PRKN: variants seen among roughly 807,000 people sequenced by gnomAD.
PRKN encodes the protein parkin RBR E3 ubiquitin protein ligase, also known as E3 ubiquitin-protein ligase parkin.
Under a neutral mutation model 59.5 loss-of-function variants are expected in PRKN, and 56 were observed. That is an observed-to-expected ratio of 0.94 (90% CI 0.76 to 1.18). The LOEUF is 1.18. Among genes scored for constraint, PRKN ranks in the 50% most tolerant of loss-of-function variants. The pLI, the probability that PRKN is intolerant of heterozygous loss-of-function variation, is 0.00. For synonymous variants in PRKN, 250 were observed against 222.1 expected, an observed-to-expected ratio of 1.13 and a Z score of -1.12; for missense variants, 657 against 596.4, an observed-to-expected ratio of 1.10 and a Z score of -1.06.
chr6:161,627,396 A>G (rs1783129018), intron 7 of PRKN, among the ~76,000 whole-genome samples: 1 of 152,240 alleles, frequency 6.6e-6, no homozygotes, highest in Admixed American at 6.5e-5. Flanking sequence ...TGGTACACAC[A>G]TCACTGTGTC....
At chr6:161,573,758 ATATATATATATATATATAT>A (rs1781018069) in intron 7 of PRKN, among the ~76,000 whole-genome samples, 2 of 41,244 alleles carry the variant, frequency 4.8e-5, no homozygotes, top group Non-Finnish European at 8.1e-5. Flanking sequence ...AAAAAAAAAT[ATATATATATATATATATAT>A]ATATATATAT....
chr6:161,892,104 A>G (rs1349501678), intron 6 of PRKN, among the ~76,000 whole-genome samples: 1 of 152,114 alleles, frequency 6.6e-6, no homozygotes, highest in East Asian at 1.9e-4. Flanking sequence ...CTTCTTATAA[A>G]TTCTCATCTT....
rs1781618839 is a variant in PRKN, at chr6:161,588,982, A to G, written c.872-19566T>C. 6.6e-6 allele frequency among the ~76,000 whole-genome samples: 1 copy of G among 152,238 alleles called. No homozygotes were observed. The highest frequency in any genetic ancestry group is 1.5e-5 in the Non-Finnish European group (1 of 68,046). ...GTTTATCTGGCAGCCTTACCAAGCC[A>G]TAATTCAGAGAGAATATTTGTAACA... is the stretch of plus-strand genomic sequence containing the variant. On this transcript the variant is annotated intron_variant, in intron 7 of 11. Transcript: ENST00000366898. The surrounding 1 kb of genome is among the most constrained non-coding windows in gnomAD (Gnocchi z 5.0).
At chr6:161,811,234 T>G (rs76652897) in intron 6 of PRKN, among the ~76,000 whole-genome samples, 1 of 152,112 alleles carries the variant, frequency 6.6e-6, no homozygotes, top group African/African-American at 2.4e-5. Flanking sequence ...GGCCAATCAA[T>G]TGTCAGAAAG....
rs1554243452 is a variant in PRKN, at chr6:162,556,368, T to TGTGTGCGTGC, written c.8-112896_8-112895insGCACGCACAC. Among the ~76,000 whole-genome samples the TGTGTGCGTGC allele has an allele frequency of 4.1e-5, 4 of 98,126 alleles. No homozygotes were observed. In the East Asian group the frequency reaches 2.2e-3, roughly 55 times the overall value. The allele number at this position is 98,126 out of a possible 152,430, so 64.4% of individuals were successfully genotyped here. On this transcript the variant is annotated intron_variant, in intron 1 of 11. Coordinates refer to ENST00000366898, the MANE Select transcript of PRKN (RefSeq NM_004562.3). ...GTGTGTGTGTGTGTGTGTGTGTGTG[T>TGTGTGCGTGC]GTGTGTGTGTGTGTGTGTGTGTGTG...
intron 1 of PRKN, among the ~76,000 whole-genome samples, chr6:162,463,624 G>C (rs537467949): frequency 6.6e-6 from 1 of 152,318 alleles, no homozygotes; most frequent in South Asian, 2.1e-4. Flanking sequence ...GGGGCCTGGA[G>C]ATGTTGACAA....
intron 9 of PRKN, among the ~76,000 whole-genome samples, chr6:161,453,418 G>GT (rs1377063842): frequency 6.6e-6 from 1 of 152,120 alleles, no homozygotes; most frequent in Non-Finnish European, 1.5e-5. Context: ...CTAGTACCTG[G>GT]TTTTTTAACC....
At chr6:162,371,427 T>C (rs1479338404) in intron 2 of PRKN, among the ~76,000 whole-genome samples, 2 of 152,262 alleles carry the variant, frequency 1.3e-5, no homozygotes, top group South Asian at 2.1e-4. Context: ...CTAAGTATTA[T>C]TTCAGCTGAA....
At chr6:161,426,012 G>C (rs1788336466) in intron 9 of PRKN, among the ~76,000 whole-genome samples, 1 of 152,226 alleles carries the variant, frequency 6.6e-6, no homozygotes, top group Admixed American at 6.5e-5. Flanking sequence ...TCCCACACTG[G>C]ATGTTCAGGG....
chr6:161,614,432 C>T (rs2128148036), intron 7 of PRKN, among the ~76,000 whole-genome samples: 1 of 152,250 alleles, frequency 6.6e-6, no homozygotes, highest in South Asian at 2.1e-4. Flanking sequence ...TTAAACAAAG[C>T]TAGAAAAGGC....
At chr6:161,504,260 T>G (rs750595598) in intron 9 of PRKN, among the ~76,000 whole-genome samples, 6 of 152,178 alleles carry the variant, frequency 3.9e-5, no homozygotes, top group Non-Finnish European at 7.3e-5. Flanking sequence ...CAGCGTTATC[T>G]GCACCTCAGA....
chr6:161,803,561 G>C (rs1011044744), intron 6 of PRKN, among the ~76,000 whole-genome samples: 1 of 152,162 alleles, frequency 6.6e-6, no homozygotes, highest in South Asian at 2.1e-4. Flanking sequence ...TTCACTGCCC[G>C]AAGCAGGGCC....
At chr6:161,667,570 A>C (rs1784768209) in intron 7 of PRKN, among the ~76,000 whole-genome samples, 1 of 152,212 alleles carries the variant, frequency 6.6e-6, no homozygotes, top group African/African-American at 2.4e-5. Flanking sequence ...TCATAATTAC[A>C]GCCAACTATA....
At chr6:161,891,201 G>T (rs1178606318) in intron 6 of PRKN, among the ~76,000 whole-genome samples, 1 of 152,134 alleles carries the variant, frequency 6.6e-6, no homozygotes, top group Non-Finnish European at 1.5e-5. Flanking sequence ...CGGACCCCAG[G>T]GGGGCCACAG....
intron 1 of PRKN, among the ~76,000 whole-genome samples, chr6:162,525,228 G>A (rs1778232410): frequency 6.6e-6 from 1 of 152,018 alleles, no homozygotes; most frequent in South Asian, 2.1e-4. Context: ...CCCTCTGTGT[G>A]TGTGTATTTG....
intron 3 of PRKN, among the ~76,000 whole-genome samples, chr6:162,254,565 A>G (rs1003391471): frequency 6.6e-6 from 1 of 152,122 alleles, no homozygotes; most frequent in Non-Finnish European, 1.5e-5. Flanking sequence ...AGTTGATTCA[A>G]TCTGAATCTG....
chr6:161,944,857 CA>C (rs1182939046), intron 6 of PRKN, among the ~76,000 whole-genome samples: 1 of 152,142 alleles, frequency 6.6e-6, no homozygotes, highest in Non-Finnish European at 1.5e-5. Context: ...TTTACTGTAT[CA>C]CAGTGGCCTA....
At chr6:162,718,082 G>A (rs755690773) in intron 1 of PRKN, among the ~76,000 whole-genome samples, 1 of 151,920 alleles carries the variant, frequency 6.6e-6, no homozygotes, top group Admixed American at 6.6e-5. Context: ...TTCCAGTTAT[G>A]GTAACTAAAT....
intron 6 of PRKN, among the ~76,000 whole-genome samples, chr6:161,794,332 G>A (rs544290140): frequency 4.6e-5 from 7 of 152,286 alleles, no homozygotes; most frequent in African/African-American, 1.7e-4. Context: ...CCACGGTGCA[G>A]TGTGCCCCAG....
Sources: allele counts gnomAD v4.1 joint callset (sites outside exome capture counted in the v4.1 genomes callset), GRCh38; gene constraint gnomAD v4.1.1; non-coding constraint Gnocchi (gnomAD v3.1); transcripts MANE v1.5; gene names NCBI Gene and HGNC (gene_info 2026-07-23, HGNC 2026-07-21).